The following SECISBP2 variants were observed in gnomAD, a reference collection of about 807,000 sequenced individuals.
The protein encoded by SECISBP2 is selenocysteine insertion sequence-binding protein 2.
SECISBP2 carries 96 observed loss-of-function variants against 98.2 expected under a neutral mutation model. That is an observed-to-expected ratio of 0.98 (90% CI 0.83 to 1.16). The LOEUF is 1.16. Ranked by LOEUF, SECISBP2 falls within the 50% of genes most tolerant of loss-of-function variation. The pLI is 0.00. For synonymous variants in SECISBP2, 407 were observed against 370.2 expected, an observed-to-expected ratio of 1.10 and a Z score of -1.14; for missense variants, 1,046 against 1,022.9, an observed-to-expected ratio of 1.02 and a Z score of -0.31.
At position 89,332,975 on chromosome 9, in the gene SECISBP2, C is replaced by T; in HGVS notation, c.869C>T (p.Ser290Leu). Residue 290 changes from serine to leucine, a missense_variant, in exon 6 of 17, where the codon TCA (serine) becomes TTA (leucine). Physicochemically the swap from Ser to Leu is moderately radical, Grantham distance 145. Transcript: ENST00000375807. ...GCTAATGCCGCTACCAATTCTCCTT[C>T]ATGTACAAGAGGTAAAAGTGGCTGC... is the stretch of plus-strand genomic sequence containing the variant. ...VTANAATNSP[S>L]CTRELSWTPM... 1 of 1,613,676 alleles carries T rather than the reference C, an allele frequency of 6.2e-7. No homozygotes were observed. The highest frequency in any genetic ancestry group is 8.5e-7 in the Non-Finnish European group (1 of 1,179,704).
chr9:89,348,916 G>A (rs1306236294), intron 12 of SECISBP2, among the ~76,000 whole-genome samples: 1 of 152,246 alleles, frequency 6.6e-6, no homozygotes, highest in Non-Finnish European at 1.5e-5. Context: ...TTGCGGATGG[G>A]CATTCAGGCA....
In SECISBP2 at chr9:89,357,435, C is replaced by T; in HGVS notation, c.2138C>T (p.Thr713Ile). Residue 713 changes from threonine to isoleucine, a missense_variant, in exon 15 of 17, where the codon ACA becomes ATA. By Grantham distance (89) the Thr-to-Ile change is moderately conservative (BLOSUM62 -1). Transcript: ENST00000375807. ...SKGGLDDTLHTIIDYACEQNI... is the reference protein window; with the variant it reads ...SKGGLDDTLHIIIDYACEQNI... Reference sequence around the variant, plus strand: ...GGTGGGCTGGATGACACTTTGCACACAATTATTGATTATGCCTGTGAGCAG... The same window carrying T: ...GGTGGGCTGGATGACACTTTGCACATAATTATTGATTATGCCTGTGAGCAG... 3.1e-6 allele frequency: 5 copies of T among 1,614,172 alleles called. No homozygotes were observed. The highest frequency in any genetic ancestry group is 4.2e-6 in the Non-Finnish European group (5 of 1,180,040).
intron 14 of SECISBP2, among the ~76,000 whole-genome samples, chr9:89,356,347 A>G (rs989300093): frequency 1.3e-5 from 2 of 152,196 alleles, no homozygotes; most frequent in African/African-American, 2.4e-5. Flanking sequence ...TGGTGCCAAA[A>G]AGATTGGGGA....
At chr9:89,357,726 C>A (rs1832310844) in intron 15 of SECISBP2, among the ~76,000 whole-genome samples, 161 bp downstream of exon 15, 1 of 152,184 alleles carries the variant, frequency 6.6e-6, no homozygotes, top group South Asian at 2.1e-4. Flanking sequence ...AAAAAAGTAG[C>A]CTTTGTCTCC....
chr9:89,338,714 A>C, intron 8 of SECISBP2, 134 bp downstream of exon 8: 1 of 911,382 alleles, frequency 1.1e-6, no homozygotes, highest in Non-Finnish European at 1.6e-6. Context: ...GTGCTAAAGA[A>C]AACAGTAGCC....
intron 5 of SECISBP2, chr9:89,329,144 C>A (rs376223051): frequency 4.6e-5 from 20 of 439,276 alleles, no homozygotes; most frequent in Non-Finnish European, 7.9e-5. Context: ...AACGGAGTCT[C>A]GCTCTGTCAC....
chr9:89,342,649 A>T (rs541364656), intron 10 of SECISBP2, among the ~76,000 whole-genome samples: 1 of 152,382 alleles, frequency 6.6e-6, no homozygotes, highest in South Asian at 2.1e-4. Flanking sequence ...ACATTATACC[A>T]TATAAAATTA....
Position 89,328,904 on chromosome 9 carries a change from C to G in SECISBP2, c.801+18C>G, listed in dbSNP as rs762268068. On this transcript the variant is annotated intron_variant, in intron 5 of 16. Transcript: ENST00000375807. ...TATCAAAGGTGAGGTGAGGGTTTCT[C>G]TCTTTTTCTTTTTCCTTTGTACACT... The G allele has an allele frequency of 6.3e-7, 1 of 1,583,230 alleles. No homozygotes were observed. The highest frequency in any genetic ancestry group is 1.1e-5 in the South Asian group (1 of 90,102).
chr9:89,338,955 T>C (rs948545738), intron 8 of SECISBP2, among the ~76,000 whole-genome samples: 8 of 152,136 alleles, frequency 5.3e-5, no homozygotes, highest in African/African-American at 1.7e-4. Context: ...AGAAGTCTTA[T>C]TATAAAGTGC....
At chr9:89,346,154 T>C (rs1208004767) in intron 10 of SECISBP2, among the ~76,000 whole-genome samples, 1 of 152,208 alleles carries the variant, frequency 6.6e-6, no homozygotes, top group Non-Finnish European at 1.5e-5. Context: ...TCTTTTTTCT[T>C]TGGCGTATGT....
rs1827214149 is a variant in SECISBP2, at chr9:89,328,757, T to G, written c.672T>G (p.Pro224=). The G allele has an allele frequency of 2.5e-6, 4 of 1,614,212 alleles. No individual in the cohort carries two copies. Among genetic ancestry groups the G allele is most frequent in the Non-Finnish European group, 3.4e-6 (4 of 1,180,030 alleles). Residue 224 remains proline, a synonymous_variant, in exon 5 of 17, where the codon CCT becomes CCG. Coordinates refer to ENST00000375807, the MANE Select transcript of SECISBP2 (RefSeq NM_024077.5). ...PEFEFTTLDF[P]ELQGAENNMS... ...TTGAATTTACCACACTGGACTTTCCTGAACTGCAAGGTGCAGAGAACAATA... is the reference window on the plus strand; with the variant it reads ...TTGAATTTACCACACTGGACTTTCCGGAACTGCAAGGTGCAGAGAACAATA...
chr9:89,359,464 C>A lies in SECISBP2; in HGVS notation c.*640C>A, dbSNP rs1832584923. The A allele has an allele frequency of 6.5e-6, 1 of 154,062 alleles. No homozygotes were observed. Among genetic ancestry groups the A allele is most frequent in the African/African-American group, 2.4e-5 (1 of 41,438 alleles). The allele number at this position is 154,062 out of a possible 1,614,324, so 9.5% of individuals were successfully genotyped here. On this transcript the variant is annotated 3_prime_UTR_variant, in exon 17 of 17. Transcript: ENST00000375807. ...ATTATTCCTTTCAGTCTTTATTTTTCAAAGAAACAATGTGTATTGAAGTAC... is the reference window on the plus strand; with the variant it reads ...ATTATTCCTTTCAGTCTTTATTTTTAAAAGAAACAATGTGTATTGAAGTAC...
chr9:89,362,516 A>G, downstream of SECISBP2: 5 of 1,611,166 alleles, frequency 3.1e-6, no homozygotes, highest in Non-Finnish European at 4.2e-6. Flanking sequence ...AGCCCATCCC[A>G]GGCAGAGCAC....
chr9:89,358,337 T>C (rs1227944394), intron 16 of SECISBP2, 146 bp downstream of exon 16: 2 of 830,508 alleles, frequency 2.4e-6, no homozygotes, highest in African/African-American at 3.4e-5. Flanking sequence ...GCCTAAGAGG[T>C]ATTATCAGAC....
downstream of SECISBP2, chr9:89,362,554 C>A: frequency 6.5e-7 from 1 of 1,544,786 alleles, no homozygotes; most frequent in Non-Finnish European, 8.9e-7. Flanking sequence ...TGTTGTGGTT[C>A]CCCTCCTTGG....
intron 1 of SECISBP2, among the ~76,000 whole-genome samples, chr9:89,319,237 A>G (rs984278327): frequency 6.6e-6 from 1 of 152,230 alleles, no homozygotes; most frequent in Non-Finnish European, 1.5e-5. Context: ...AACTTTTTCA[A>G]GAAAATGTAA....
chr9:89,332,396 A>G (rs1459269265), intron 5 of SECISBP2, among the ~76,000 whole-genome samples: 1 of 152,244 alleles, frequency 6.6e-6, no homozygotes, highest in African/African-American at 2.4e-5. Context: ...GGGGAAATGC[A>G]TAATGATGTG....
intron 10 of SECISBP2, among the ~76,000 whole-genome samples, chr9:89,344,473 G>C (rs951413863): frequency 2.0e-5 from 3 of 152,122 alleles, no homozygotes; most frequent in Admixed American, 6.5e-5. Flanking sequence ...TCCATCTTGA[G>C]TTGATTTTTG....
rs1832585194 is a variant in SECISBP2, at chr9:89,359,468, GAAAC to G, written c.*647_*650del. 6.5e-6 allele frequency: 1 copy of G among 154,188 alleles called. No homozygotes were observed. Among genetic ancestry groups the G allele is most frequent in the Non-Finnish European group, 1.4e-5 (1 of 69,158 alleles). 9.6% of individuals were successfully genotyped at this position (154,188 alleles called of 1,614,324 possible). On this transcript the variant is annotated 3_prime_UTR_variant, in exon 17 of 17. Transcript: ENST00000375807. ...TTCCTTTCAGTCTTTATTTTTCAAA[GAAAC>G]AATGTGTATTGAAGTACCTAGATTT...
Sources: allele counts gnomAD v4.1 joint callset (sites outside exome capture counted in the v4.1 genomes callset), GRCh38; gene constraint gnomAD v4.1.1; transcripts MANE v1.5; gene names NCBI Gene and HGNC (gene_info 2026-07-23, HGNC 2026-07-21).